MDM2: variants seen among roughly 807,000 people sequenced by gnomAD.
The protein encoded by MDM2 is E3 ubiquitin-protein ligase Mdm2.
In MDM2, 11 loss-of-function variants were observed where a neutral mutation model predicts 64.3. The observed-to-expected ratio is 0.17, with a 90% CI of 0.11 to 0.28. The LOEUF (loss-of-function observed/expected upper bound fraction) is 0.28, where lower values mean the gene tolerates loss of function less well. Among genes scored for constraint, MDM2 ranks in the 10% least tolerant of loss-of-function variants. The pLI, the probability that MDM2 is intolerant of heterozygous loss-of-function variation, is 1.00. For synonymous variants in MDM2, 194 were observed against 192.9 expected, an observed-to-expected ratio of 1.01 and a Z score of -0.05; for missense variants, 388 against 577.1, an observed-to-expected ratio of 0.67 and a Z score of 3.36.
chr12:68,840,506 TTTTG>T lies in MDM2; in HGVS notation c.*681_*684del, dbSNP rs66832434. 0.027 allele frequency: 5,292 copies of T among 193,178 alleles called. 82 individuals are homozygous for T. Among genetic ancestry groups the T allele is most frequent in the East Asian group, 0.051 (630 of 12,374 alleles). 12.0% of individuals were successfully genotyped at this position (193,178 alleles called of 1,614,324 possible). On this transcript the variant is annotated 3_prime_UTR_variant, in exon 11 of 11. Transcript: ENST00000258149. ...GTGTGAAAGATTTAGTTTTTTGTTT[TTTTG>T]TTTGTTTGTTTGTTTGTTTGTTTTG...
At chr12:68,838,801 A>G (rs1565747251) in intron 10 of MDM2, among the ~76,000 whole-genome samples, 1 of 152,224 alleles carries the variant, frequency 6.6e-6, no homozygotes, top group Non-Finnish European at 1.5e-5. Flanking sequence ...TACATGATTA[A>G]TATCACATCA....
chr12:68,836,501 TTCTC>T (rs1200624853), intron 9 of MDM2, 167 bp from the exon 10 acceptor site: 26 of 526,946 alleles, frequency 4.9e-5, no homozygotes, highest in South Asian at 1.3e-4. Context: ...GGGTAAGGAT[TTCTC>T]TCTCCTCCAT....
rs1394068363 is a variant in MDM2, at chr12:68,842,252, A to G, written c.*2403A>G. ...TTTATAATGAACAAATTCAAGAAAA[A>G]GGACTACGGAAAGTTCAGGACATCA... is the stretch of plus-strand genomic sequence containing the variant. On this transcript the variant is annotated 3_prime_UTR_variant, in exon 11 of 11. Coordinates refer to ENST00000258149, the MANE Select transcript of MDM2 (RefSeq NM_002392.6). 1 of 496,358 alleles carries G rather than the reference A, an allele frequency of 2.0e-6. No individual in the cohort carries two copies. Among genetic ancestry groups the G allele is most frequent in the Non-Finnish European group, 4.0e-6 (1 of 251,090 alleles). 30.7% of individuals were successfully genotyped at this position (496,358 alleles called of 1,614,324 possible).
At chr12:68,808,749 C>T (rs1359224534) in intron 1 of MDM2, among the ~76,000 whole-genome samples, 1 of 151,310 alleles carries the variant, frequency 6.6e-6, no homozygotes, top group Non-Finnish European at 1.5e-5. Flanking sequence ...TCGGAGGTCT[C>T]CGCGGGAGTT....
intron 8 of MDM2, among the ~76,000 whole-genome samples, chr12:68,829,903 A>G (rs1230981069): frequency 6.6e-6 from 1 of 152,224 alleles, no homozygotes; most frequent in African/African-American, 2.4e-5. Flanking sequence ...GAAGTTTGGT[A>G]AAAAATTTTT....
intron 5 of MDM2, among the ~76,000 whole-genome samples, chr12:68,823,974 T>C (rs1882087355): frequency 6.6e-6 from 1 of 152,198 alleles, no homozygotes; most frequent in African/African-American, 2.4e-5. Context: ...AGTTTGCTTT[T>C]GGATACTTTT....
At chr12:68,810,536 A>T (rs1304404836) in intron 2 of MDM2, among the ~76,000 whole-genome samples, 1 of 151,482 alleles carries the variant, frequency 6.6e-6, no homozygotes, top group Non-Finnish European at 1.5e-5. Context: ...ATCTCGGCTC[A>T]CTGCAATCTC....
chr12:68,835,063 A>G (rs1318976369), intron 8 of MDM2, among the ~76,000 whole-genome samples: 2 of 152,224 alleles, frequency 1.3e-5, no homozygotes, highest in Non-Finnish European at 2.9e-5. Flanking sequence ...TTTCTAAGAA[A>G]AAAAACCCAT....
At chr12:68,832,099 A>G (rs1194503826) in intron 8 of MDM2, among the ~76,000 whole-genome samples, 2 of 152,176 alleles carry the variant, frequency 1.3e-5, no homozygotes, top group Non-Finnish European at 2.9e-5. Flanking sequence ...CTCGTTTTTC[A>G]GGTTAAGTCC....
intron 8 of MDM2, among the ~76,000 whole-genome samples, chr12:68,835,479 C>T (rs1883228625): frequency 6.6e-6 from 1 of 152,190 alleles, no homozygotes; most frequent in Admixed American, 6.5e-5. Flanking sequence ...AATACAGTCA[C>T]ACTGTAGGTA....
intron 8 of MDM2, among the ~76,000 whole-genome samples, chr12:68,829,700 AG>A (rs1882635786): frequency 6.8e-6 from 1 of 146,820 alleles, no homozygotes; most frequent in Non-Finnish European, 1.5e-5. Context: ...CAGGAGTTGG[AG>A]GTTGCAGTGA....
intron 5 of MDM2, among the ~76,000 whole-genome samples, chr12:68,821,959 G>T (rs1299429458): frequency 1.3e-5 from 2 of 152,084 alleles, no homozygotes; most frequent in South Asian, 2.1e-4. Flanking sequence ...GGGCTCAAAT[G>T]ATCCTCCCCC....
At chr12:68,848,182 A>AT (rs1172479710), downstream of MDM2, 6 of 152,126 alleles carry the variant, frequency 3.9e-5, no homozygotes, top group Admixed American at 2.0e-4. Flanking sequence ...ACTGATTGTG[A>AT]TTTTTTGTTT....
At position 68,811,530 on chromosome 12, in the gene MDM2, T is replaced by C. The variant is rs544524382; in HGVS notation, c.100-2024T>C. 5.3e-5 allele frequency among the ~76,000 whole-genome samples: 8 copies of C among 152,206 alleles called. No individual in the cohort carries two copies. The East Asian group carries it at 1.3e-3, about 26-fold the overall frequency. ...CAATGTAAGATTACAAATGCTATTA[T>C]CTTTTATAGCTGTTTTCTCATTAAT... On this transcript the variant is annotated intron_variant, in intron 2 of 10. Coordinates refer to ENST00000258149, the MANE Select transcript of MDM2 (RefSeq NM_002392.6).
chr12:68,816,200 T>A (rs146044394), intron 3 of MDM2, among the ~76,000 whole-genome samples: 12 of 152,240 alleles, frequency 7.9e-5, no homozygotes, highest in African/African-American at 2.9e-4. Flanking sequence ...ATCAGTTTTT[T>A]ATTTTGCTGC....
Position 68,835,816 on chromosome 12 carries a change from T to C in MDM2, c.685-13T>C. 2.5e-6 allele frequency: 4 copies of C among 1,609,102 alleles called. No homozygotes were observed. Among genetic ancestry groups the C allele is most frequent in the Non-Finnish European group, 3.4e-6 (4 of 1,177,898 alleles). On this transcript the variant is annotated splice_polypyrimidine_tract_variant and intron_variant, in intron 8 of 10. Coordinates refer to ENST00000258149, the MANE Select transcript of MDM2 (RefSeq NM_002392.6). ...TGATGTTTATTAAGTTATATATTTT[T>C]TTCTTGTTTTAGGATCTTGATGCTG...
intron 5 of MDM2, among the ~76,000 whole-genome samples, chr12:68,822,103 C>T (rs1387249442): frequency 1.3e-5 from 2 of 152,198 alleles, no homozygotes; most frequent in African/African-American, 4.8e-5. Context: ...ATTCTCACCT[C>T]GGCCTCCCAA....
intron 5 of MDM2, among the ~76,000 whole-genome samples, chr12:68,820,668 G>T (rs1393888868): frequency 6.6e-6 from 1 of 152,194 alleles, no homozygotes. Context: ...GATCTACCTT[G>T]AAAATGTATT....
intron 10 of MDM2, among the ~76,000 whole-genome samples, chr12:68,837,455 G>T (rs988010987): frequency 1.3e-5 from 2 of 151,560 alleles, no homozygotes. Context: ...CACCTCCCAG[G>T]CTCAAGTGAT....
Sources: allele counts gnomAD v4.1 joint callset (sites outside exome capture counted in the v4.1 genomes callset), GRCh38; gene constraint gnomAD v4.1.1; transcripts MANE v1.5; gene names NCBI Gene and HGNC (gene_info 2026-07-23, HGNC 2026-07-21).